NDUFAF2: variants seen among roughly 807,000 people sequenced by gnomAD.
The protein encoded by NDUFAF2 is NADH dehydrogenase [ubiquinone] 1 alpha subcomplex assembly factor 2.
In NDUFAF2, 13 loss-of-function variants were observed where a neutral mutation model predicts 22.8. That is an observed-to-expected ratio of 0.57 (90% CI 0.37 to 0.91). The LOEUF is 0.91. NDUFAF2 is among the 40% of genes least tolerant of loss of function. The pLI, the probability that NDUFAF2 is intolerant of heterozygous loss-of-function variation, is 0.01. For missense variants in NDUFAF2, 162 were observed against 195.2 expected (o/e 0.83, Z 1.01); for synonymous variants, 53 against 64.2 (o/e 0.83, Z 0.84).
In NDUFAF2 at chr5:60,993,077, G is replaced by A. The variant is rs959246681; in HGVS notation, c.127+47695G>A. 2.6e-5 allele frequency among the ~76,000 whole-genome samples: 4 copies of A among 152,332 alleles called. No individual in the cohort carries two copies. In the East Asian group the frequency reaches 5.8e-4, roughly 22 times the overall value. Reference sequence around the variant, plus strand: ...GCCAAGGGTGAACCAGACATGGAGCGGCAAGAGGTATGTGAGCTAGTGAGT... The same window carrying A: ...GCCAAGGGTGAACCAGACATGGAGCAGCAAGAGGTATGTGAGCTAGTGAGT... On this transcript the variant is annotated intron_variant, in intron 1 of 3. Transcript: ENST00000296597.
chr5:61,075,501 TAGAATG>T (rs1452770246), intron 2 of NDUFAF2, among the ~76,000 whole-genome samples: 8 of 152,188 alleles, frequency 5.3e-5, no homozygotes, highest in Non-Finnish European at 1.0e-4. Flanking sequence ...TGCACCTTCT[TAGAATG>T]AGTTTGTTTT....
At chr5:60,950,393 C>T (rs1269595498) in intron 1 of NDUFAF2, among the ~76,000 whole-genome samples, 5 of 152,068 alleles carry the variant, frequency 3.3e-5, no homozygotes, top group Non-Finnish European at 7.4e-5. Context: ...CCATGTTGGA[C>T]AGGCTGGTCT....
chr5:61,005,910 T>C (rs1751360382), intron 1 of NDUFAF2, among the ~76,000 whole-genome samples: 2 of 152,296 alleles, frequency 1.3e-5, no homozygotes, highest in South Asian at 2.1e-4. Flanking sequence ...ACTCTGATGG[T>C]AGTTTCTTTT....
intron 1 of NDUFAF2, among the ~76,000 whole-genome samples, chr5:60,959,807 A>G (rs904734433): frequency 6.6e-6 from 1 of 152,044 alleles, no homozygotes; most frequent in African/African-American, 2.4e-5. Context: ...TTGAAATTTC[A>G]TGTCTTATGT....
chr5:61,035,666 A>C (rs1221739524), intron 1 of NDUFAF2, among the ~76,000 whole-genome samples: 5 of 152,018 alleles, frequency 3.3e-5, no homozygotes, highest in Admixed American at 2.0e-4. Flanking sequence ...GTCTCAATTT[A>C]GAGGTAGCAC....
At chr5:61,108,444 A>G (rs771910459) in intron 3 of NDUFAF2, among the ~76,000 whole-genome samples, 11 of 151,248 alleles carry the variant, frequency 7.3e-5, no homozygotes, top group Non-Finnish European at 1.3e-4. Context: ...CATTTCTCTG[A>G]TGGCCAGTGA....
At chr5:61,022,924 C>T (rs1276188908) in intron 1 of NDUFAF2, among the ~76,000 whole-genome samples, 4 of 152,212 alleles carry the variant, frequency 2.6e-5, no homozygotes, top group Non-Finnish European at 4.4e-5. Flanking sequence ...GGATTACCGG[C>T]GTGAACCACC....
chr5:61,027,871 G>T (rs946981787), intron 1 of NDUFAF2, among the ~76,000 whole-genome samples: 1 of 151,468 alleles, frequency 6.6e-6, no homozygotes, highest in African/African-American at 2.4e-5. Flanking sequence ...TTGTTTTTAT[G>T]TATGAGATAT....
At chr5:61,056,919 AATATATATATATATATATATAT>A (rs1174310851) in intron 1 of NDUFAF2, among the ~76,000 whole-genome samples, 1 of 28,808 alleles carries the variant, frequency 3.5e-5, no homozygotes, top group African/African-American at 1.6e-4. Context: ...AAAAAAAAAA[AATATATATATATATATATATAT>A]ATATATATAT....
chr5:61,116,005 A>G (rs1460961), intron 3 of NDUFAF2: 61,802 of 151,978 alleles, frequency 0.41, 13,502 homozygotes, highest in East Asian at 0.8. Context: ...ACCATTCTGA[A>G]AAACAGAGGA....
chr5:61,107,088 C>CACACACAT (rs1173994408), intron 3 of NDUFAF2, among the ~76,000 whole-genome samples: 5 of 146,574 alleles, frequency 3.4e-5, no homozygotes, highest in African/African-American at 1.3e-4. Context: ...CACACACACA[C>CACACACAT]ACATATATGC....
At chr5:60,986,726 T>A (rs996353533) in intron 1 of NDUFAF2, among the ~76,000 whole-genome samples, 3 of 151,740 alleles carry the variant, frequency 2.0e-5, no homozygotes, top group Admixed American at 2.0e-4. Flanking sequence ...GTCAGGAGTT[T>A]AAGACCAGCC....
At chr5:60,990,255 T>C (rs572096784) in intron 1 of NDUFAF2, among the ~76,000 whole-genome samples, 3 of 152,262 alleles carry the variant, frequency 2.0e-5, no homozygotes, top group Admixed American at 1.3e-4. Context: ...CAGTCAACTA[T>C]AATTTATTGT....
chr5:61,041,447 A>G (rs1204350057), intron 1 of NDUFAF2, among the ~76,000 whole-genome samples: 1 of 152,284 alleles, frequency 6.6e-6, no homozygotes, highest in African/African-American at 2.4e-5. Flanking sequence ...TTTAATACAC[A>G]AAGATTCCCA....
At chr5:61,122,195 T>G (rs1752984594) in intron 3 of NDUFAF2, among the ~76,000 whole-genome samples, 1 of 152,112 alleles carries the variant, frequency 6.6e-6, no homozygotes. Context: ...CCCTGCAAAT[T>G]TGAGCTTGGA....
chr5:61,046,018 C>T (rs924772124), intron 1 of NDUFAF2, among the ~76,000 whole-genome samples: 2 of 151,998 alleles, frequency 1.3e-5, no homozygotes, highest in East Asian at 1.9e-4. Context: ...GAGTTTTTAT[C>T]GTGAAAGCAT....
intron 3 of NDUFAF2, among the ~76,000 whole-genome samples, chr5:61,112,891 T>TA (rs889379547): frequency 2.2e-4 from 34 of 151,222 alleles, no homozygotes; most frequent in Non-Finnish European, 4.0e-4. Context: ...GTTTATTCTT[T>TA]TTTTTTTTTT....
chr5:61,031,839 C>T (rs1326455157), intron 1 of NDUFAF2, among the ~76,000 whole-genome samples: 1 of 152,200 alleles, frequency 6.6e-6, no homozygotes, highest in East Asian at 1.9e-4. Context: ...TATACTCTCA[C>T]CAACAGTGTA....
chr5:61,152,343 C>T (rs1741256305), intron 3 of NDUFAF2, among the ~76,000 whole-genome samples: 1 of 151,236 alleles, frequency 6.6e-6, no homozygotes, highest in South Asian at 2.1e-4. Context: ...TGGAAAAGTA[C>T]AGTCACTGAG....
Sources: gnomAD v4.1 joint callset for allele counts (sites outside exome capture counted in the v4.1 genomes callset) on GRCh38, gnomAD v4.1.1 for gene constraint, MANE v1.5 for transcripts, NCBI Gene and HGNC (gene_info 2026-07-23, HGNC 2026-07-21) for gene names.